The following EXOC6B variants were observed in gnomAD, a reference collection of about 807,000 sequenced individuals.
The protein encoded by EXOC6B is exocyst complex component 6B.
A neutral mutation model predicts 113.5 loss-of-function variants in EXOC6B; 54 were observed. The observed-to-expected ratio is 0.48, with a 90% CI of 0.38 to 0.60. EXOC6B has a LOEUF of 0.60. Among genes scored for constraint, EXOC6B ranks in the 20% least tolerant of loss-of-function variants. The pLI, the probability that EXOC6B is intolerant of heterozygous loss-of-function variation, is 0.00. For synonymous variants in EXOC6B, 357 were observed against 339.0 expected (o/e 1.05, Z -0.58); for missense variants, 797 against 977.5 (o/e 0.82, Z 2.46).
chr2:72,771,020 T>C (rs1683378161), intron 1 of EXOC6B, among the ~76,000 whole-genome samples: 1 of 152,210 alleles, frequency 6.6e-6, no homozygotes, highest in Non-Finnish European at 1.5e-5. Flanking sequence ...TCCAACTTAC[T>C]ACACTTGGAA....
At chr2:72,469,988 C>T (rs541558489) in intron 17 of EXOC6B, among the ~76,000 whole-genome samples, 4 of 152,086 alleles carry the variant, frequency 2.6e-5, no homozygotes, top group African/African-American at 9.7e-5. Context: ...TCACGCATTC[C>T]TAACCTTACT....
At chr2:72,415,805 T>C (rs1039144771) in intron 18 of EXOC6B, among the ~76,000 whole-genome samples, 1 of 152,176 alleles carries the variant, frequency 6.6e-6, no homozygotes, top group African/African-American at 2.4e-5. Context: ...TAGTGCCAAA[T>C]AGCAGTAATG....
intron 7 of EXOC6B, among the ~76,000 whole-genome samples, chr2:72,569,907 C>T (rs1558805231): frequency 6.6e-6 from 1 of 152,038 alleles, no homozygotes; most frequent in Non-Finnish European, 1.5e-5. Context: ...CATAATTTGT[C>T]CCAATACCAC....
rs1188863322 is a variant in EXOC6B, at chr2:72,265,936, A to G, written c.2196+69011T>C. 2.1e-3 allele frequency among the ~76,000 whole-genome samples: 324 copies of G among 152,072 alleles called. 1 individual carries two copies. Among genetic ancestry groups the G allele is most frequent in the Middle Eastern group, 3.4e-3 (1 of 294 alleles). On this transcript the variant is annotated intron_variant, in intron 20 of 21. Transcript: ENST00000272427. ...ACCTGTTGTTTCCTGACTTTTTAAT[A>G]ATTGCCATTCTAACTGGTGTGAGAT...
intron 1 of EXOC6B, among the ~76,000 whole-genome samples, chr2:72,780,675 T>C (rs187146010): frequency 3.3e-5 from 5 of 152,328 alleles, no homozygotes; most frequent in African/African-American, 1.2e-4. Flanking sequence ...TTTTTCATTT[T>C]AAAATACTAC....
At chr2:72,282,655 C>T (rs551026828) in intron 20 of EXOC6B, among the ~76,000 whole-genome samples, 1 of 152,062 alleles carries the variant, frequency 6.6e-6, no homozygotes, top group South Asian at 2.1e-4. Flanking sequence ...CAAACACTCT[C>T]CACGCTGCTC....
intron 18 of EXOC6B, among the ~76,000 whole-genome samples, chr2:72,420,689 G>A (rs940802493): frequency 2.0e-5 from 3 of 152,100 alleles, no homozygotes; most frequent in Admixed American, 1.3e-4. Flanking sequence ...CACTGCCACA[G>A]TAAACATACG....
At chr2:72,310,535 T>A (rs765200669) in intron 20 of EXOC6B, among the ~76,000 whole-genome samples, 2 of 152,164 alleles carry the variant, frequency 1.3e-5, no homozygotes, top group Admixed American at 6.5e-5. Context: ...TGGACAGAAG[T>A]CTCTTACCAG....
intron 1 of EXOC6B, among the ~76,000 whole-genome samples, chr2:72,815,742 C>T (rs763775705): frequency 1.3e-5 from 2 of 152,168 alleles, no homozygotes; most frequent in Non-Finnish European, 2.9e-5. Flanking sequence ...ATCTCATAGA[C>T]TGCTAGAGGG....
At chr2:72,493,958 A>G (rs976170048) in intron 15 of EXOC6B, among the ~76,000 whole-genome samples, 5 of 152,206 alleles carry the variant, frequency 3.3e-5, no homozygotes, top group Non-Finnish European at 7.3e-5. Context: ...CAAAACAGAT[A>G]TGACTGACAA....
intron 16 of EXOC6B, among the ~76,000 whole-genome samples, chr2:72,485,853 T>C (rs950847457): frequency 6.6e-6 from 1 of 152,232 alleles, no homozygotes; most frequent in Non-Finnish European, 1.5e-5. Flanking sequence ...TAGGTATGTC[T>C]AGTGCACTAC....
chr2:72,583,425 T>C (rs2103878576), intron 6 of EXOC6B, among the ~76,000 whole-genome samples: 1 of 152,238 alleles, frequency 6.6e-6, no homozygotes, highest in South Asian at 2.1e-4. Flanking sequence ...CAAGGTCAAC[T>C]CTGAAAGAAA....
At chr2:72,504,364 A>T (rs1359505578) in intron 11 of EXOC6B, among the ~76,000 whole-genome samples, 2 of 152,180 alleles carry the variant, frequency 1.3e-5, no homozygotes, top group African/African-American at 2.4e-5. Context: ...AGACTTAATC[A>T]ATATTTTTTC....
At chr2:72,704,462 A>G (rs1246357884) in intron 6 of EXOC6B, among the ~76,000 whole-genome samples, 2 of 147,696 alleles carry the variant, frequency 1.4e-5, no homozygotes, top group Admixed American at 1.4e-4. Flanking sequence ...GCAGAAGGCA[A>G]GAAATAACTA....
At chr2:72,681,139 C>A (rs1676671857) in intron 6 of EXOC6B, among the ~76,000 whole-genome samples, 1 of 152,162 alleles carries the variant, frequency 6.6e-6, no homozygotes. Context: ...CATGATCTAG[C>A]TGCAACATAC....
chr2:72,437,348 G>A (rs919960246), intron 18 of EXOC6B, among the ~76,000 whole-genome samples: 4 of 152,218 alleles, frequency 2.6e-5, no homozygotes, highest in Admixed American at 2.6e-4. Context: ...CTGCTGGGAG[G>A]TGTCTCCCAG....
At chr2:72,632,636 T>C (rs745481969) in intron 6 of EXOC6B, among the ~76,000 whole-genome samples, 23 of 152,336 alleles carry the variant, frequency 1.5e-4, no homozygotes, top group Non-Finnish European at 3.2e-4. Flanking sequence ...ATGGGATAGA[T>C]AGCAACATGA....
At chr2:72,656,522 CA>C (rs1269078999) in intron 6 of EXOC6B, among the ~76,000 whole-genome samples, 1 of 152,004 alleles carries the variant, frequency 6.6e-6, no homozygotes. Flanking sequence ...ATAAAACAGT[CA>C]AAAAATTGCA....
chr2:72,781,186 C>G (rs1684014631), intron 1 of EXOC6B, among the ~76,000 whole-genome samples: 3 of 152,092 alleles, frequency 2.0e-5, no homozygotes, highest in Admixed American at 1.3e-4. Flanking sequence ...CCAATCTTAC[C>G]CTAACATTTC....
Sources: gnomAD v4.1 joint callset for allele counts (sites outside exome capture counted in the v4.1 genomes callset) on GRCh38, gnomAD v4.1.1 for gene constraint, MANE v1.5 for transcripts, NCBI Gene and HGNC (gene_info 2026-07-23, HGNC 2026-07-21) for gene names.